Variants in MALRD1 observed in about 807,000 individuals in gnomAD.
MALRD1 encodes the protein MAM and LDL receptor class A domain containing 1, also known as MAM and LDL-receptor class A domain-containing protein 1.
MALRD1 carries 247 observed loss-of-function variants against 242.1 expected under a neutral mutation model. The observed-to-expected ratio is 1.02, with a 90% CI of 0.92 to 1.13. MALRD1 has a LOEUF of 1.13. Among genes scored for constraint, MALRD1 ranks in the 50% most tolerant of loss-of-function variants. The pLI is 0.00. For missense variants in MALRD1, 2,989 were observed against 2,533.1 expected (o/e 1.18, Z -3.86); for synonymous variants, 995 against 866.6 (o/e 1.15, Z -2.60).
intron 36 of MALRD1, among the ~76,000 whole-genome samples, chr10:19,659,270 T>C (rs535830090): frequency 2.6e-5 from 4 of 152,300 alleles, no homozygotes; most frequent in Non-Finnish European, 4.4e-5. Flanking sequence ...GAGTGTGTAA[T>C]ATGTACAGTT....
chr10:19,485,495 T>C (rs60658784), intron 29 of MALRD1, among the ~76,000 whole-genome samples: 7,894 of 151,816 alleles, frequency 0.052, 694 homozygotes, highest in African/African-American at 0.18. Flanking sequence ...TACAAAAAAT[T>C]AGCCGGGCGT....
intron 33 of MALRD1, among the ~76,000 whole-genome samples, chr10:19,575,230 A>C (rs1317017752): frequency 1.3e-5 from 2 of 152,208 alleles, no homozygotes; most frequent in East Asian, 3.9e-4. Flanking sequence ...AGGACCAACT[A>C]TTGGTATAAG....
intron 28 of MALRD1, among the ~76,000 whole-genome samples, chr10:19,444,804 A>G (rs1002177617): frequency 5.9e-5 from 9 of 152,180 alleles, no homozygotes; most frequent in South Asian, 2.1e-4. Context: ...TGCTCTTCTC[A>G]AGGAGTATCT....
rs71388849 is a variant in MALRD1, at chr10:19,543,433, CTTT to C, written c.5478+12098_5478+12100del. On this transcript the variant is annotated intron_variant, in intron 32 of 39. Coordinates refer to ENST00000454679, the MANE Select transcript of MALRD1 (RefSeq NM_001142308.3). ...TGTAAAAATCATGCCCAGCTGATTT[CTTT>C]TTTTTTTTTTTTTTTGAGAGAGAAA... Among the ~76,000 whole-genome samples the C allele has an allele frequency of 5.5e-4, 59 of 106,432 alleles. 1 individual carries two copies. Among genetic ancestry groups the C allele is most frequent in the African/African-American group, 1.6e-3 (47 of 29,334 alleles). 69.8% of individuals were successfully genotyped at this position (106,432 alleles called of 152,430 possible).
chr10:19,122,731 CA>C (rs1250794046), intron 5 of MALRD1, among the ~76,000 whole-genome samples: 2 of 151,800 alleles, frequency 1.3e-5, no homozygotes, highest in Non-Finnish European at 2.9e-5. Flanking sequence ...AACACAGGCA[CA>C]ATTTTTTTTT....
chr10:19,602,465 G>A (rs1196349314), intron 34 of MALRD1, among the ~76,000 whole-genome samples: 2 of 149,856 alleles, frequency 1.3e-5, no homozygotes, highest in Non-Finnish European at 1.5e-5. Context: ...TTTTCCTTGC[G>A]ATAGTTTGCT....
At chr10:19,584,824 G>T (rs1837306307) in intron 33 of MALRD1, among the ~76,000 whole-genome samples, 1 of 151,956 alleles carries the variant, frequency 6.6e-6, no homozygotes, top group Non-Finnish European at 1.5e-5. Flanking sequence ...TGACAGTGGG[G>T]TGTTAAAGTC....
chr10:19,667,687 T>C (rs1381698650), intron 36 of MALRD1, among the ~76,000 whole-genome samples: 3 of 152,164 alleles, frequency 2.0e-5, no homozygotes, highest in East Asian at 1.9e-4. Flanking sequence ...TCTGCTATGA[T>C]TGAAAGCTCC....
At chr10:19,588,576 G>T (rs939061822) in intron 33 of MALRD1, among the ~76,000 whole-genome samples, 1 of 152,150 alleles carries the variant, frequency 6.6e-6, no homozygotes, top group Admixed American at 6.5e-5. Context: ...ATTTTCTGTT[G>T]TTTCAGAATC....
intron 28 of MALRD1, among the ~76,000 whole-genome samples, chr10:19,432,331 T>C (rs1185344015): frequency 6.6e-6 from 1 of 152,238 alleles, no homozygotes; most frequent in Non-Finnish European, 1.5e-5. Flanking sequence ...TGGTGAATTT[T>C]GAAATGTTTA....
chr10:19,668,579 G>T (rs1341473301), intron 36 of MALRD1, among the ~76,000 whole-genome samples: 1 of 152,092 alleles, frequency 6.6e-6, no homozygotes, highest in Non-Finnish European at 1.5e-5. Flanking sequence ...TAACCCTGAT[G>T]AAACAGAAGT....
At chr10:19,192,941 G>T (rs1836059657) in intron 14 of MALRD1, among the ~76,000 whole-genome samples, 1 of 151,712 alleles carries the variant, frequency 6.6e-6, no homozygotes, top group Non-Finnish European at 1.5e-5. Context: ...TTTTTTTCCA[G>T]CTGCTTTTAA....
intron 21 of MALRD1, among the ~76,000 whole-genome samples, chr10:19,294,652 T>A (rs1266821949): frequency 6.6e-6 from 1 of 152,202 alleles, no homozygotes; most frequent in African/African-American, 2.4e-5. Flanking sequence ...CTTGGTTGTA[T>A]GTCTGTCTTT....
At chr10:19,231,554 G>A (rs778137880) in intron 18 of MALRD1, among the ~76,000 whole-genome samples, 6 of 152,114 alleles carry the variant, frequency 3.9e-5, no homozygotes, top group Non-Finnish European at 7.4e-5. Flanking sequence ...TCCCCCTGCT[G>A]TTCTCGTGGT....
chr10:19,053,831 T>G (rs1475031075), intron 1 of MALRD1, among the ~76,000 whole-genome samples: 2 of 151,996 alleles, frequency 1.3e-5, no homozygotes, highest in African/African-American at 4.8e-5. Flanking sequence ...AAAAAGAAAA[T>G]AAGTTCTTAT....
At chr10:19,369,766 T>G (rs1342257254) in intron 26 of MALRD1, among the ~76,000 whole-genome samples, 1 of 151,732 alleles carries the variant, frequency 6.6e-6, no homozygotes, top group Non-Finnish European at 1.5e-5. Flanking sequence ...TATCTATTTG[T>G]CTGATTAACA....
intron 21 of MALRD1, among the ~76,000 whole-genome samples, chr10:19,320,936 A>C (rs890460321): frequency 6.6e-6 from 1 of 151,512 alleles, no homozygotes; most frequent in Non-Finnish European, 1.5e-5. Flanking sequence ...TTTTCTTATA[A>C]ATTTCTGTAA....
At chr10:19,517,415 T>C (rs1375867934) in intron 31 of MALRD1, among the ~76,000 whole-genome samples, 1 of 152,062 alleles carries the variant, frequency 6.6e-6, no homozygotes, top group African/African-American at 2.4e-5. Flanking sequence ...TCAGTTTGGG[T>C]TTTAAAATAC....
At chr10:19,575,177 T>C (rs1836745769) in intron 33 of MALRD1, among the ~76,000 whole-genome samples, 1 of 152,194 alleles carries the variant, frequency 6.6e-6, no homozygotes, top group Non-Finnish European at 1.5e-5. Context: ...CAAATGCAGA[T>C]GGCAAATGCA....
Sources: allele counts gnomAD v4.1 joint callset (sites outside exome capture counted in the v4.1 genomes callset), GRCh38; gene constraint gnomAD v4.1.1; transcripts MANE v1.5; gene names NCBI Gene and HGNC (gene_info 2026-07-23, HGNC 2026-07-21).